The following C1QTNF1 variants were observed in gnomAD, a reference collection of about 807,000 sequenced individuals.
The protein encoded by C1QTNF1 is C1q and TNF related 1, also known as complement C1q tumor necrosis factor-related protein 1.
A neutral mutation model predicts 27.8 loss-of-function variants in C1QTNF1; 22 were observed. The observed-to-expected ratio is 0.79, with a 90% CI of 0.56 to 1.13. C1QTNF1 has a LOEUF of 1.13. Among genes scored for constraint, C1QTNF1 ranks in the 50% most tolerant of loss-of-function variants. The probability of loss-of-function intolerance (pLI) is 0.00; values close to 1 mark genes in which losing one functional copy is unlikely to be tolerated. For missense variants in C1QTNF1, 373 were observed against 380.2 expected, an observed-to-expected ratio of 0.98 and a Z score of 0.16; for synonymous variants, 166 against 154.3, an observed-to-expected ratio of 1.08 and a Z score of -0.56.
rs1343754290 is a variant in C1QTNF1, at chr17:79,046,234, G to A, written c.156-321G>A. Among the ~76,000 whole-genome samples the A allele has an allele frequency of 6.6e-6, 1 of 152,138 alleles. No homozygotes were observed. The highest frequency in any genetic ancestry group is 1.5e-5 in the Non-Finnish European group (1 of 68,024). Reference sequence around the variant, plus strand: ...TCACGGATATACGATAGGGAGTCCCGGCATTGTCTTGTGTCACCCAAAGAC... The same window carrying A: ...TCACGGATATACGATAGGGAGTCCCAGCATTGTCTTGTGTCACCCAAAGAC... On this transcript the variant is annotated intron_variant, in intron 2 of 3. Transcript: ENST00000579760. This position sits in a 1 kb window ranked among gnomAD's most constrained non-coding sequence, Gnocchi z 4.8.
In C1QTNF1 at chr17:79,046,471, T is replaced by C. The variant is rs76126915; in HGVS notation, c.156-84T>C. The C allele has an allele frequency of 6.8e-4, 1,070 of 1,577,870 alleles. 7 individuals carry two copies. The African/African-American group carries it at 0.012, about 18-fold the overall frequency. On this transcript the variant is annotated intron_variant, in intron 2 of 3. Transcript: ENST00000579760. The surrounding 1 kb of genome is among the most constrained non-coding windows in gnomAD (Gnocchi z 4.8). Reference sequence around the variant, plus strand: ...AGAGAGTGAGAAGGCAGGTCAGGCATGCCAGAACCACTGGCAGCAGGAGAG... The same window carrying C: ...AGAGAGTGAGAAGGCAGGTCAGGCACGCCAGAACCACTGGCAGCAGGAGAG...
rs79756136 is a variant in C1QTNF1 at position 79,041,375 on chromosome 17, C to T, written c.-14-2580C>T. On this transcript the variant is annotated intron_variant, in intron 1 of 3. Coordinates refer to ENST00000579760, the MANE Select transcript of C1QTNF1 (RefSeq NM_030968.5). ...GTTCGGGGGGGCCAGCCTTGCTCTC[C>T]TCACTGTCACCTCGGAGGCTCTATC... Among the ~76,000 whole-genome samples the T allele has an allele frequency of 6.6e-4, 101 of 152,308 alleles. 1 individual carries two copies. The East Asian group carries it at 0.019, about 29-fold the overall frequency.
intron 1 of C1QTNF1, among the ~76,000 whole-genome samples, chr17:79,037,044 C>G (rs1230065863): frequency 1.3e-5 from 2 of 152,232 alleles, no homozygotes; most frequent in Non-Finnish European, 2.9e-5. Flanking sequence ...TGTCAGCACA[C>G]AAGCATGAGA....
Position 79,048,065 on chromosome 17 carries a change from G to T in C1QTNF1, c.823G>T (p.Val275Phe). 6.4e-7 allele frequency: 1 copy of T among 1,573,134 alleles called. No homozygotes were observed. Among genetic ancestry groups the T allele is most frequent in the Non-Finnish European group, 8.6e-7 (1 of 1,163,378 alleles). The change falls in exon 4 of 4, where the codon GTC (valine) becomes TTC (phenylalanine). Residue 275 changes from valine to phenylalanine, a missense_variant. Physicochemically the swap from Val to Phe is conservative, Grantham distance 50 (BLOSUM62 -1). Coordinates refer to ENST00000579760, the MANE Select transcript of C1QTNF1 (RefSeq NM_030968.5). ...CTACATCACCTTCAGTGGCTACCTG[G>T]TCAAGCACGCCACCGAGCCCTAGCT... is the stretch of plus-strand genomic sequence containing the variant. Reference protein sequence around the residue: ...DTYITFSGYLVKHATEP With the variant: ...DTYITFSGYLFKHATEP
At chr17:79,030,476 TTTCTTTCTTTTTCTTTCTTTC>T (rs1189056414) in intron 1 of C1QTNF1, among the ~76,000 whole-genome samples, 4 of 105,592 alleles carry the variant, frequency 3.8e-5, no homozygotes, top group African/African-American at 1.4e-4. Context: ...TCTTTCTTTC[TTTCTTTCTTTTTCTTTCTTTC>T]TTTCTTTCTT....
chr17:79,034,831 G>C (rs1027686695), intron 1 of C1QTNF1, among the ~76,000 whole-genome samples: 3 of 152,176 alleles, frequency 2.0e-5, no homozygotes, highest in Non-Finnish European at 2.9e-5. Context: ...GATTGAGAGA[G>C]GAGATAGGCT....
intron 1 of C1QTNF1, among the ~76,000 whole-genome samples, chr17:79,026,109 T>C (rs1223468796): frequency 1.3e-5 from 2 of 151,962 alleles, no homozygotes; most frequent in East Asian, 3.9e-4. Context: ...GAGACAGGGA[T>C]GGAGGACTCA....
rs182063159 is a variant in C1QTNF1, at chr17:79,042,071, C to T, written c.-14-1884C>T. ...CGGCCTGGCAGCCAGGAGTGAGGGA[C>T]GCTTCTCACCCACCTTCTCACTGGG... On this transcript the variant is annotated intron_variant, in intron 1 of 3. Transcript: ENST00000579760. Among the ~76,000 whole-genome samples the T allele has an allele frequency of 1.4e-4, 22 of 152,362 alleles. No homozygotes were observed. In the East Asian group the frequency reaches 3.5e-3, roughly 24 times the overall value.
chr17:79,026,259 G>A (rs2071957503), intron 1 of C1QTNF1, among the ~76,000 whole-genome samples: 1 of 151,950 alleles, frequency 6.6e-6, no homozygotes, highest in Admixed American at 6.6e-5. Flanking sequence ...AGGTTCAAGC[G>A]ATTCTCCTGC....
At chr17:79,031,339 CG>C (rs2072136173) in intron 1 of C1QTNF1, among the ~76,000 whole-genome samples, 3 of 151,928 alleles carry the variant, frequency 2.0e-5, no homozygotes, top group Non-Finnish European at 4.4e-5. Flanking sequence ...AGAAAGAACG[CG>C]TTTACTGGTT....
intron 1 of C1QTNF1, among the ~76,000 whole-genome samples, chr17:79,032,117 G>T (rs1222442941): frequency 6.6e-6 from 1 of 152,200 alleles, no homozygotes; most frequent in Admixed American, 6.5e-5. Flanking sequence ...TTTCCCAGGG[G>T]CTTGGAGTCT....
intron 1 of C1QTNF1, among the ~76,000 whole-genome samples, chr17:79,036,302 G>A (rs910648072): frequency 1.7e-4 from 26 of 152,302 alleles, no homozygotes; most frequent in African/African-American, 5.8e-4. Context: ...AGCCTCCAGA[G>A]TAGCTGGGAC....
intron 1 of C1QTNF1, among the ~76,000 whole-genome samples, chr17:79,033,991 C>T (rs2072202633): frequency 6.6e-6 from 1 of 152,098 alleles, no homozygotes; most frequent in South Asian, 2.1e-4. Context: ...GGATGCTGTG[C>T]TGATTATATT....
In C1QTNF1 at chr17:79,046,670, C is replaced by T; in HGVS notation, c.271C>T (p.Gln91Ter). 6.2e-7 allele frequency: 1 copy of T among 1,614,214 alleles called. No individual in the cohort carries two copies. The highest frequency in any genetic ancestry group is 8.5e-7 in the Non-Finnish European group (1 of 1,180,038). Residue 91 changes from glutamine to a stop codon, truncating the protein, a stop_gained, in exon 3 of 4, where the codon CAG (glutamine) becomes TAG (stop). Transcript: ENST00000579760. LOFTEE classifies it high-confidence loss of function. The surrounding 1 kb of genome is among the most constrained non-coding windows in gnomAD (Gnocchi z 4.8). ...TSMYPATAVP[Q>*]INITILKGEK... ...CATGTACCCGGCGACCGCCGTGCCCCAGATCAACATCACTATCTTGAAAGG... is the reference window on the plus strand; with the variant it reads ...CATGTACCCGGCGACCGCCGTGCCCTAGATCAACATCACTATCTTGAAAGG...
chr17:79,043,461 TAA>T (rs1226845890), intron 1 of C1QTNF1: 32 of 453,530 alleles, frequency 7.1e-5, no homozygotes, highest in East Asian at 4.2e-4. Flanking sequence ...CCATGTGTGT[TAA>T]GAGTGTGCAT....
intron 1 of C1QTNF1, among the ~76,000 whole-genome samples, chr17:79,030,028 G>T (rs2072082818): frequency 6.6e-6 from 1 of 152,106 alleles, no homozygotes; most frequent in Admixed American, 6.6e-5. Flanking sequence ...GGTTCCGCTT[G>T]AGCCTCAAAC....
upstream of C1QTNF1, chr17:79,023,216 T>C (rs2071822531): frequency 6.6e-6 from 1 of 151,414 alleles, no homozygotes; most frequent in Non-Finnish European, 1.5e-5. Context: ...AACATCGAGG[T>C]GAGGGGCAGC....
At chr17:79,030,475 C>CTT (rs1428319858) in intron 1 of C1QTNF1, among the ~76,000 whole-genome samples, 10 of 109,142 alleles carry the variant, frequency 9.2e-5, no homozygotes, top group South Asian at 3.1e-4. Flanking sequence ...TTCTTTCTTT[C>CTT]TTTCTTTCTT....
At chr17:79,034,476 C>A (rs2072218639) in intron 1 of C1QTNF1, 1 of 152,278 alleles carries the variant, frequency 6.6e-6, no homozygotes, top group African/African-American at 2.4e-5. Context: ...GCTCATGCGG[C>A]CTCCTTGTTT....
Sources: gnomAD v4.1 joint callset for allele counts (sites outside exome capture counted in the v4.1 genomes callset) on GRCh38, gnomAD v4.1.1 for gene constraint, Gnocchi (gnomAD v3.1) non-coding constraint, MANE v1.5 for transcripts, NCBI Gene and HGNC (gene_info 2026-07-23, HGNC 2026-07-21) for gene names.